The following MACF1 variants were observed in gnomAD, a reference collection of about 807,000 sequenced individuals.
MACF1 encodes microtubule-actin cross-linking factor 1.
A neutral mutation model predicts 854.8 loss-of-function variants in MACF1; 193 were observed. The observed-to-expected ratio is 0.23, with a 90% CI of 0.20 to 0.25. The LOEUF is 0.25. Ranked by LOEUF, MACF1 falls within the 10% of genes least tolerant of loss-of-function variation. MACF1 has a pLI of 1.00. For missense variants in MACF1, 7,722 were observed against 8,929.1 expected (o/e 0.86, Z 5.45); for synonymous variants, 3,185 against 3,226.7 (o/e 0.99, Z 0.44).
At chr1:39,186,214 CTGTGTGTGTGTGTG>C (rs200739487) in intron 2 of MACF1, among the ~76,000 whole-genome samples, 5,668 of 55,324 alleles carry the variant, frequency 0.1, 233 homozygotes, top group Middle Eastern at 0.15. Flanking sequence ...CTCTCTCTCT[CTGTGTGTGTGTGTG>C]TGTGTGTGTG....
chr1:39,137,186 C>T (rs1055788617), intron 2 of MACF1, among the ~76,000 whole-genome samples: 1 of 152,210 alleles, frequency 6.6e-6, no homozygotes, highest in Non-Finnish European at 1.5e-5. Context: ...TCTCATGCCT[C>T]AGCCTCCTGA....
chr1:39,304,038 A>G (rs1230663465), intron 23 of MACF1, among the ~76,000 whole-genome samples: 1 of 147,872 alleles, frequency 6.8e-6, no homozygotes, highest in African/African-American at 2.5e-5. Context: ...TTTTAATTAT[A>G]CTTTAAGTTC....
intron 2 of MACF1, among the ~76,000 whole-genome samples, chr1:39,193,037 G>A (rs1055748723): frequency 2.0e-5 from 3 of 152,008 alleles, no homozygotes; most frequent in Non-Finnish European, 1.5e-5. Context: ...GCTTAAACCC[G>A]GGAGGCAGAG....
At chr1:39,393,925 A>C (rs1484827092) in intron 58 of MACF1, among the ~76,000 whole-genome samples, 3 of 151,998 alleles carry the variant, frequency 2.0e-5, no homozygotes, top group Non-Finnish European at 2.9e-5. Context: ...AGAGAAAGAA[A>C]GAACGAACGA....
At chr1:39,096,640 C>T (rs1641944949) in intron 2 of MACF1, among the ~76,000 whole-genome samples, 1 of 152,028 alleles carries the variant, frequency 6.6e-6, no homozygotes, top group South Asian at 2.1e-4. Context: ...CTTCTACCTT[C>T]CTCCGTTTTT....
chr1:39,477,416 A>G (rs953734943), intron 97 of MACF1, among the ~76,000 whole-genome samples: 1 of 151,516 alleles, frequency 6.6e-6, no homozygotes, highest in Non-Finnish European at 1.5e-5. Context: ...GCAGAGATGG[A>G]GTTTCATCAT....
intron 2 of MACF1, among the ~76,000 whole-genome samples, chr1:39,247,342 A>G (rs1375969263): frequency 1.3e-5 from 2 of 152,112 alleles, no homozygotes; most frequent in Admixed American, 1.3e-4. Flanking sequence ...AAGTGCTGGG[A>G]TTACAGGTGT....
chr1:39,326,058 A>G (rs60109478), intron 35 of MACF1, among the ~76,000 whole-genome samples: 4,535 of 152,084 alleles, frequency 0.03, 210 homozygotes, highest in African/African-American at 0.1. Context: ...GCGAGTGGAG[A>G]GTGCAAGGAT....
intron 2 of MACF1, among the ~76,000 whole-genome samples, chr1:39,085,830 C>T (rs1208808679): frequency 6.6e-6 from 1 of 152,184 alleles, no homozygotes; most frequent in Non-Finnish European, 1.5e-5. Context: ...CCCCCAATCA[C>T]CCTGCCACAG....
chr1:39,351,009 G>C lies in MACF1; in HGVS notation c.11190G>C (p.Glu3730Asp), dbSNP rs1192043832. The change falls in exon 43 of 101, where the codon GAG (glutamate) becomes GAC (aspartate). Residue 3730 changes from glutamate to aspartate, a missense_variant. By Grantham distance (45) the Glu-to-Asp change is conservative (BLOSUM62 2). This residue lies in a region of MACF1 where 2,807 missense variants were observed against 3,235.8 expected (regional missense o/e 0.87). Coordinates refer to ENST00000564288, the MANE Select transcript of MACF1 (RefSeq NM_001394062.1). ...CAGTGACCTCCGCCTTACAGCAGGA[G>C]ACTGAAAAGGTAATAGACTGCTATG... ...EEAVTSALQQ[E>D]TEKSKAAKEL... The C allele has an allele frequency of 1.2e-6, 2 of 1,613,236 alleles. No homozygotes were observed. Among genetic ancestry groups the C allele is most frequent in the Non-Finnish European group, 1.7e-6 (2 of 1,179,376 alleles).
chr1:39,285,388 G>T lies in MACF1; in HGVS notation c.1351G>T (p.Ala451Ser). 6.2e-7 allele frequency: 1 copy of T among 1,613,666 alleles called. No individual in the cohort carries two copies. The highest frequency in any genetic ancestry group is 8.5e-7 in the Non-Finnish European group (1 of 1,179,960). Residue 451 changes from alanine (A) to serine (S), a missense_variant and splice_region_variant, in exon 13 of 101, where the codon GCT (alanine) becomes TCT (serine). This residue lies in a region of MACF1 where 1,137 missense variants were observed against 1,263.0 expected (regional missense o/e 0.90). Transcript: ENST00000564288. ...KLTLAKNTLQ[A>S]DAAHLESGQP... ...GACACTAGCTAAGAATACACTGCAG[G>T]CTGTAAGTCTCTGACTGTTTTGTCC...
intron 61 of MACF1, among the ~76,000 whole-genome samples, chr1:39,426,292 A>G (rs886645008): frequency 4.6e-5 from 7 of 152,194 alleles, no homozygotes; most frequent in African/African-American, 1.7e-4. Context: ...CCAGTAATCA[A>G]AATGCCAACT....
intron 97 of MACF1, among the ~76,000 whole-genome samples, chr1:39,475,669 A>G (rs1290845748): frequency 6.6e-6 from 1 of 152,020 alleles, no homozygotes; most frequent in African/African-American, 2.4e-5. Context: ...GAATCAATAG[A>G]CTGAACTGCC....
At chr1:39,208,549 G>T (rs1053511765) in intron 1 of MACF1, among the ~76,000 whole-genome samples, 2 of 152,074 alleles carry the variant, frequency 1.3e-5, no homozygotes, top group South Asian at 2.1e-4. Flanking sequence ...TGCCATCCGG[G>T]TTCAAGCGAT....
intron 6 of MACF1, among the ~76,000 whole-genome samples, chr1:39,266,062 T>TG (rs1199092234): frequency 6.6e-6 from 1 of 152,202 alleles, no homozygotes; most frequent in Non-Finnish European, 1.5e-5. Context: ...AGTTTTTCTC[T>TG]GGAGCAGAAG....
chr1:39,457,494 G>T (rs1445691424), intron 89 of MACF1: 1 of 152,232 alleles, frequency 6.6e-6, no homozygotes, highest in East Asian at 1.9e-4. Flanking sequence ...GTTTTACACT[G>T]AAGCCAGAGT....
chr1:39,238,403 C>T (rs2148317729), intron 2 of MACF1, among the ~76,000 whole-genome samples: 1 of 152,314 alleles, frequency 6.6e-6, no homozygotes, highest in South Asian at 2.1e-4. Context: ...GAACTTAGCA[C>T]ACCCCTTCCT....
In MACF1 at chr1:39,388,092, T is replaced by G. The variant is rs768998802; in HGVS notation, c.15250T>G (p.Ser5084Ala). Reference protein sequence around the residue: ...QGLVEDAPDGSDASQLLHQAE... With the variant: ...QGLVEDAPDGADASQLLHQAE... ...TCTGGTAGAAGATGCCCCAGATGGA[T>G]CTGATGCTTCTCAACTTCTCCACCA... is the stretch of plus-strand genomic sequence containing the variant. The change falls in exon 58 of 101, where the codon TCT (serine) becomes GCT (alanine). Residue 5084 changes from serine to alanine, a missense_variant. Ser to Ala is a moderately conservative substitution (Grantham distance 99). Coordinates refer to ENST00000564288, the MANE Select transcript of MACF1 (RefSeq NM_001394062.1). The G allele has an allele frequency of 1.2e-6, 2 of 1,614,080 alleles. No individual in the cohort carries two copies. The highest frequency in any genetic ancestry group is 1.7e-6 in the Non-Finnish European group (2 of 1,180,022).
intron 58 of MACF1, chr1:39,411,653 C>T (rs748156509): frequency 8.7e-6 from 14 of 1,613,760 alleles, no homozygotes; most frequent in East Asian, 2.2e-5. Flanking sequence ...GACACAGACT[C>T]AGTGCAGATG....
Sources: gnomAD v4.1 joint callset for allele counts (sites outside exome capture counted in the v4.1 genomes callset) on GRCh38, gnomAD v4.1.1 for gene constraint, gnomAD v4.1.1 regional missense constraint, MANE v1.5 for transcripts, NCBI Gene and HGNC (gene_info 2026-07-23, HGNC 2026-07-21) for gene names.